The following FANCA variants were observed in gnomAD, a reference collection of about 807,000 sequenced individuals.
FANCA encodes Fanconi anemia group A protein.
In FANCA, 236 loss-of-function variants were observed where a neutral mutation model predicts 194.3. The ratio of observed to expected loss-of-function variants is 1.21; its 90% CI spans 1.09 to 1.35. FANCA has a LOEUF of 1.35. FANCA is among the 40% of genes most tolerant of loss of function. FANCA has a pLI of 0.00. For missense variants in FANCA, 2,628 were observed against 1,813.9 expected (o/e 1.45, Z -8.15); for synonymous variants, 1,014 against 715.8 (o/e 1.42, Z -6.65).
Position 89,744,959 on chromosome 16 carries a change from T to TC in FANCA, c.3625dup (p.Asp1209GlyfsTer6). On this transcript the variant is annotated frameshift_variant and splice_region_variant, in exon 36 of 43. Transcript: ENST00000389301. LOFTEE classifies it high-confidence loss of function. ...ACCCCATCTCACCACCCACACGTAC[T>TC]CGCTGGCAAACTGCCGGCCTTCTTG... 6.2e-7 allele frequency: 1 copy of TC among 1,611,606 alleles called. No homozygotes were observed. The highest frequency in any genetic ancestry group is 8.5e-7 in the Non-Finnish European group (1 of 1,179,730).
chr16:89,801,884 T>A (rs560581986), intron 8 of FANCA, among the ~76,000 whole-genome samples: 5 of 150,652 alleles, frequency 3.3e-5, no homozygotes, highest in South Asian at 4.2e-4. Context: ...AGAGACACCG[T>A]CTCAAAAAAA....
chr16:89,805,212 G>A, intron 7 of FANCA, 68 bp downstream of exon 7: 3 of 1,232,472 alleles, frequency 2.4e-6, no homozygotes, highest in Non-Finnish European at 3.5e-6. Flanking sequence ...GAGCTCTTGA[G>A]AGCAGAAGGC....
intron 10 of FANCA, among the ~76,000 whole-genome samples, chr16:89,796,944 G>C (rs1233890037): frequency 6.6e-6 from 1 of 152,074 alleles, no homozygotes; most frequent in Non-Finnish European, 1.5e-5. Flanking sequence ...AGATGACAAG[G>C]TCAGGAGCTC....
At chr16:89,761,623 G>A (rs1172707803) in intron 29 of FANCA, among the ~76,000 whole-genome samples, 1 of 151,982 alleles carries the variant, frequency 6.6e-6, no homozygotes, top group Non-Finnish European at 1.5e-5. Flanking sequence ...ACATTTTAAA[G>A]GGAAGCTCCT....
intron 14 of FANCA, among the ~76,000 whole-genome samples, chr16:89,785,961 T>G (rs2039882514): frequency 6.9e-6 from 1 of 144,352 alleles, no homozygotes; most frequent in Non-Finnish European, 1.5e-5. Context: ...GTTTGAACAA[T>G]TCTCCTGCCT....
At chr16:89,805,448 A>T in intron 6 of FANCA, 56 bp from the exon 7 acceptor site, 1 of 1,424,440 alleles carries the variant, frequency 7.0e-7, no homozygotes, top group Non-Finnish European at 9.9e-7. Context: ...TCATCAGGGG[A>T]TTGAGTTGAG....
chr16:89,777,442 T>C (rs997745529), intron 20 of FANCA, among the ~76,000 whole-genome samples: 7 of 152,022 alleles, frequency 4.6e-5, no homozygotes, highest in African/African-American at 1.7e-4. Flanking sequence ...AAAAATTATT[T>C]TTGCAGAGCA....
At chr16:89,762,593 A>G (rs1367012083) in intron 28 of FANCA, 1 of 224,514 alleles carries the variant, frequency 4.5e-6, no homozygotes, top group Non-Finnish European at 9.2e-6. Context: ...AGAAAAAAGA[A>G]ACTAACAAAA....
intron 12 of FANCA, 44 bp downstream of exon 12, chr16:89,792,427 C>A (rs1482878187): frequency 6.3e-7 from 1 of 1,583,356 alleles, no homozygotes; most frequent in Non-Finnish European, 8.7e-7. Context: ...TCTTAATCCC[C>A]CCGCCACGAG....
At chr16:89,773,476 G>C in intron 21 of FANCA, 92 bp from the exon 22 acceptor site, 1 of 944,664 alleles carries the variant, frequency 1.1e-6, no homozygotes, top group South Asian at 1.4e-5. Context: ...ATACAGAGCT[G>C]TGAACTTCCA....
At chr16:89,741,574 A>T (rs2062135141) in intron 37 of FANCA, among the ~76,000 whole-genome samples, 1 of 152,014 alleles carries the variant, frequency 6.6e-6, no homozygotes, top group Admixed American at 6.6e-5. Context: ...CTGCACAGAG[A>T]GCTGTGTGGG....
At chr16:89,782,580 A>G (rs1373825522) in intron 17 of FANCA, among the ~76,000 whole-genome samples, 2 of 151,940 alleles carry the variant, frequency 1.3e-5, no homozygotes, top group African/African-American at 4.8e-5. Flanking sequence ...TCTCCATTCA[A>G]CCCCACAGGA....
In FANCA at chr16:89,738,607, G is replaced by A. The variant is rs2151709620; in HGVS notation, c.4362C>T (p.Leu1454=). The change falls in exon 43 of 43, where the codon CTC becomes CTT. Residue 1454 remains leucine, a synonymous_variant. Coordinates refer to ENST00000389301, the MANE Select transcript of FANCA (RefSeq NM_000135.4). ...PDADLSQEPH[L]F is the part of the protein sequence containing the mutation. ...TGTGCAGTGGCAGGTCCCGTCAGAA[G>A]AGATGAGGCTCCTGGGACAGGTCAG... The A allele has an allele frequency of 4.3e-6, 7 of 1,613,248 alleles. No homozygotes were observed. Among genetic ancestry groups the A allele is most frequent in the Non-Finnish European group, 5.9e-6 (7 of 1,180,024 alleles).
At position 89,750,579 on chromosome 16, in the gene FANCA, A is replaced by G. The variant is rs568254401; in HGVS notation, c.3067-677T>C. 2.6e-5 allele frequency among the ~76,000 whole-genome samples: 4 copies of G among 152,084 alleles called. No homozygotes were observed. The East Asian group carries it at 7.7e-4, about 29-fold the overall frequency. On this transcript the variant is annotated intron_variant, in intron 31 of 42. Coordinates refer to ENST00000389301, the MANE Select transcript of FANCA (RefSeq NM_000135.4). Reference sequence around the variant, plus strand: ...CAAGACAGATGGATTACCTGAGGTCAGGAGTCCAAGACCAGCCTGGCCAAC... The same window carrying G: ...CAAGACAGATGGATTACCTGAGGTCGGGAGTCCAAGACCAGCCTGGCCAAC...
At chr16:89,816,088 C>A (rs1050471772) in intron 1 of FANCA, 102 bp from the exon 2 acceptor site, 25 of 867,018 alleles carry the variant, frequency 2.9e-5, no homozygotes, top group Non-Finnish European at 4.6e-5. Context: ...ACCAGCGACA[C>A]CCTCCCGAAG....
At chr16:89,757,380 C>A (rs1248659011) in intron 30 of FANCA, among the ~76,000 whole-genome samples, 2 of 152,108 alleles carry the variant, frequency 1.3e-5, no homozygotes, top group Admixed American at 6.6e-5. Context: ...GCGTCAGCCT[C>A]CATACCTTCT....
At chr16:89,752,512 G>C (rs1056510379) in intron 30 of FANCA, among the ~76,000 whole-genome samples, 1 of 152,158 alleles carries the variant, frequency 6.6e-6, no homozygotes, top group Non-Finnish European at 1.5e-5. Flanking sequence ...AGCTGTTCCA[G>C]TATAATAAAA....
At chr16:89,761,428 A>AG (rs2038949465) in intron 29 of FANCA, among the ~76,000 whole-genome samples, 1 of 151,576 alleles carries the variant, frequency 6.6e-6, no homozygotes, top group South Asian at 2.1e-4. Context: ...CAGAAAAAAA[A>AG]AAAAAAAAAG....
chr16:89,791,080 G>C, intron 14 of FANCA: 1 of 338,096 alleles, frequency 3.0e-6, no homozygotes, highest in Admixed American at 4.2e-5. Flanking sequence ...TGGTGTCCAG[G>C]CTTGATTTCG....
Sources: allele counts gnomAD v4.1 joint callset (sites outside exome capture counted in the v4.1 genomes callset), GRCh38; gene constraint gnomAD v4.1.1; transcripts MANE v1.5; gene names NCBI Gene and HGNC (gene_info 2026-07-23, HGNC 2026-07-21).